Variants in IPO4 observed in about 807,000 individuals in gnomAD.
The protein encoded by IPO4 is importin-4.
Under a neutral mutation model 133.5 loss-of-function variants are expected in IPO4, and 91 were observed. The ratio of observed to expected loss-of-function variants is 0.68; its 90% CI spans 0.58 to 0.81. The LOEUF (loss-of-function observed/expected upper bound fraction) is 0.81, where lower values mean the gene tolerates loss of function less well. IPO4 is among the 30% of genes least tolerant of loss of function. The probability of loss-of-function intolerance (pLI) is 0.00; values close to 1 mark genes in which losing one functional copy is unlikely to be tolerated. For synonymous variants in IPO4, 607 were observed against 581.6 expected (o/e 1.04, Z -0.63); for missense variants, 1,279 against 1,386.2 (o/e 0.92, Z 1.23).
At chr14:24,181,350 C>A (rs1328946392) in intron 28 of IPO4, among the ~76,000 whole-genome samples, 163 bp downstream of exon 28, 8 of 152,186 alleles carry the variant, frequency 5.3e-5, no homozygotes. Flanking sequence ...TCCTTGCAGA[C>A]AAATAAGAAA....
chr14:24,183,825 A>G lies in IPO4; in HGVS notation c.1943T>C (p.Met648Thr), dbSNP rs545032103. ...ESDGEEEEEL[M>T]DEDVEEEDDS... ...ATCCTCTTCTTCCACATCCTCATCC[A>G]TGAGCTCCTCCTCTTCTTCCCCATC... Residue 648 changes from methionine (M) to threonine (T), a missense_variant, in exon 19 of 30, where the codon ATG becomes ACG. Transcript: ENST00000354464. 2 of 1,614,010 alleles carry G rather than the reference A, an allele frequency of 1.2e-6. No homozygotes were observed. The highest frequency in any genetic ancestry group is 1.1e-5 in the South Asian group (1 of 91,084).
rs747509957 is a variant in IPO4 at position 24,186,150 on chromosome 14, G to A, written c.1038C>T (p.Pro346=). ...TTACCAGCTGGGGACAGAGCTTCTC[G>A]GGGGGCAGGTGTAGTGCCAGCATGT... ...VVDMLALHLP[P]EKLCPQLMPM... The change falls in exon 11 of 30, where the codon CCC becomes CCT. Residue 346 remains proline, a synonymous_variant. Coordinates refer to ENST00000354464, the MANE Select transcript of IPO4 (RefSeq NM_024658.4). 14 of 1,613,830 alleles carry A rather than the reference G, an allele frequency of 8.7e-6. No homozygotes were observed. The highest frequency in any genetic ancestry group is 1.3e-5 in the African/African-American group (1 of 74,892).
intron 17 of IPO4, 68 bp downstream of exon 17, chr14:24,184,229 TC>T: frequency 6.4e-7 from 1 of 1,555,874 alleles, no homozygotes; most frequent in Admixed American, 1.9e-5. Flanking sequence ...GGGTGGGGAT[TC>T]CAGTGGGTCC....
Position 24,186,948 on chromosome 14 carries a change from T to C in IPO4, c.686A>G (p.Asp229Gly). Residue 229 changes from aspartate to glycine, a missense_variant, in exon 8 of 30, where the codon GAT (aspartate) becomes GGT (glycine). Physicochemically the swap from Asp to Gly is moderately conservative, Grantham distance 94 (BLOSUM62 -1). Around this residue, in one of 3 missense-constraint regions of IPO4, gnomAD observed 695 missense variants for 704.1 expected, o/e 0.99. Transcript: ENST00000354464. The stretch of plus-strand genomic sequence containing the variant: ...CGGCACCTCTGACTCCAACAGTTCA[T>C]CCAAAGCCTCAAGGGCCTCACAGGC... Reference protein sequence around the residue: ...AKACEALEALDELLESEVPVI... With the variant: ...AKACEALEALGELLESEVPVI... 1 of 1,614,058 alleles carries C rather than the reference T, an allele frequency of 6.2e-7. No individual in the cohort carries two copies. Among genetic ancestry groups the C allele is most frequent in the South Asian group, 1.1e-5 (1 of 91,084 alleles).
In IPO4 at chr14:24,180,445, G is replaced by A. The variant is rs1308135590; in HGVS notation, c.3243C>T (p.Ser1081=). ...AQELQAVLGL[S] ...TGGACTGGCTGCAGCCTGCAGTCTA[G>A]GAGAGGCCCAGTACAGCCTGGAGCT... The change falls in exon 30 of 30, where the codon TCC becomes TCT. Residue 1081 remains serine, a synonymous_variant. Coordinates refer to ENST00000354464, the MANE Select transcript of IPO4 (RefSeq NM_024658.4). 2 of 1,609,272 alleles carry A rather than the reference G, an allele frequency of 1.2e-6. No homozygotes were observed. Among genetic ancestry groups the A allele is most frequent in the South Asian group, 1.1e-5 (1 of 90,644 alleles).
In IPO4 at chr14:24,186,811, A is replaced by G. The variant is rs754389019; in HGVS notation, c.757-20T>C. On this transcript the variant is annotated intron_variant, in intron 8 of 29. Coordinates refer to ENST00000354464, the MANE Select transcript of IPO4 (RefSeq NM_024658.4). Reference sequence around the variant, plus strand: ...AGCTACCTGTCCACAGAATAATAAAAATCAGCGACAGGGAAGGAGAGTCCC... The same window carrying G: ...AGCTACCTGTCCACAGAATAATAAAGATCAGCGACAGGGAAGGAGAGTCCC... 1.2e-5 allele frequency: 20 copies of G among 1,613,676 alleles called. No individual in the cohort carries two copies. The Admixed American group carries it at 3.3e-4, about 27-fold the overall frequency.
chr14:24,186,163 A>C lies in IPO4; in HGVS notation c.1025T>G (p.Leu342Arg). ...ACAGAGCTTCTCGGGGGGCAGGTGT[A>C]GTGCCAGCATGTCCACAACCTGAGA... ...FAVQVVDMLA[L>R]HLPPEKLCPQ... Residue 342 changes from leucine (L) to arginine (R), a missense_variant, in exon 11 of 30, where the codon CTA becomes CGA. Around this residue, in one of 3 missense-constraint regions of IPO4, gnomAD observed 695 missense variants for 704.1 expected, o/e 0.99. Transcript: ENST00000354464. 6.2e-7 allele frequency: 1 copy of C among 1,613,970 alleles called. No individual in the cohort carries two copies. The highest frequency in any genetic ancestry group is 8.5e-7 in the Non-Finnish European group (1 of 1,179,928).
chr14:24,185,871 TG>T lies in IPO4; in HGVS notation c.1158del (p.His386GlnfsTer51), dbSNP rs1251645518. On this transcript the variant is annotated frameshift_variant, in exon 12 of 30. Coordinates refer to ENST00000354464, the MANE Select transcript of IPO4 (RefSeq NM_024658.4). LOFTEE classifies it high-confidence loss of function. ...LAVLSDGAGD[H>X]IRQRLLPPLL... Reference sequence around the variant, plus strand: ...CAGGGGAATACATACCTCTGCCTGATGTGGTCGCCAGCTCCGTCAGACAGCA... The same window carrying T: ...CAGGGGAATACATACCTCTGCCTGATTGGTCGCCAGCTCCGTCAGACAGCA... 17 of 1,613,156 alleles carry T rather than the reference TG, an allele frequency of 1.1e-5. No individual in the cohort carries two copies. The highest frequency in any genetic ancestry group is 1.4e-5 in the Non-Finnish European group (17 of 1,179,610).
rs762383520 is a variant in IPO4, at chr14:24,181,630, A to T, written c.2941-13T>A. 6.2e-7 allele frequency: 1 copy of T among 1,613,836 alleles called. No individual in the cohort carries two copies. Among genetic ancestry groups the T allele is most frequent in the South Asian group, 1.1e-5 (1 of 91,070 alleles). On this transcript the variant is annotated splice_polypyrimidine_tract_variant and intron_variant, in intron 27 of 29. Transcript: ENST00000354464. ...GGGCAGCCAGCACCTGGGCACACAA[A>T]TGTCTCAGGCCAACCTGCCCTGCCC...
chr14:24,183,441 CG>C lies in IPO4; in HGVS notation c.2121+14del. The stretch of plus-strand genomic sequence containing the variant: ...GCCTGAGAACCCCACCCACTCCACC[CG>C]CCGGCCCGCTCACCTCCAGCAGTTT... On this transcript the variant is annotated intron_variant, in intron 21 of 29. Transcript: ENST00000354464. 3.1e-6 allele frequency: 5 copies of C among 1,606,424 alleles called. No homozygotes were observed. The highest frequency in any genetic ancestry group is 4.3e-6 in the Non-Finnish European group (5 of 1,175,792).
At position 24,186,362 on chromosome 14, in the gene IPO4, G is replaced by A. The variant is rs778239058; in HGVS notation, c.930C>T (p.Pro310=). 11 of 1,613,168 alleles carry A rather than the reference G, an allele frequency of 6.8e-6. No homozygotes were observed. The African/African-American group carries it at 1.1e-4, about 16-fold the overall frequency. Residue 310 remains proline (P), a synonymous_variant, in exon 10 of 30, where the codon CCC becomes CCT. Transcript: ENST00000354464. ...AAEPPPGQLD[P]EDQDSEEEEL... is the part of the protein sequence containing the mutation. ...CTTCCTCTTCTGAATCCTGGTCCTC[G>A]GGATCCAACTGGCCTGGTGGGGGCT...
intron 21 of IPO4, 26 bp from the exon 22 acceptor site, chr14:24,183,381 T>C: frequency 1.3e-6 from 2 of 1,596,118 alleles, no homozygotes; most frequent in Non-Finnish European, 1.7e-6. Context: ...GGGCGGGATA[T>C]GTCTGCTATG....
Position 24,188,751 on chromosome 14 carries a change from G to C in IPO4, c.37C>G (p.Leu13Val). ...ATGCGCTCGGTGTCCGGTAGCAGCA[G>C]CTCCCGTAGGAGCTGCTCTAGCCCG... ...SAGLEQLLRELLLPDTERIRR... is the reference protein window; with the variant it reads ...SAGLEQLLREVLLPDTERIRR... The change falls in exon 1 of 30, where the codon CTG becomes GTG. Residue 13 changes from leucine to valine, a missense_variant. Around this residue, in one of 3 missense-constraint regions of IPO4, gnomAD observed 695 missense variants for 704.1 expected, o/e 0.99. Coordinates refer to ENST00000354464, the MANE Select transcript of IPO4 (RefSeq NM_024658.4). The C allele has an allele frequency of 1.3e-6, 2 of 1,539,982 alleles. No individual in the cohort carries two copies. The highest frequency in any genetic ancestry group is 1.7e-6 in the Non-Finnish European group (2 of 1,143,280).
intron 10 of IPO4, 37 bp from the exon 11 acceptor site, chr14:24,186,219 C>T (rs1196476818): frequency 1.9e-6 from 3 of 1,611,112 alleles, no homozygotes; most frequent in Admixed American, 1.7e-5. Flanking sequence ...TGCTTGACTC[C>T]ATCTCTGCCT....
Position 24,185,337 on chromosome 14 carries a change from T to C in IPO4, c.1279-25A>G, listed in dbSNP as rs760865675. On this transcript the variant is annotated intron_variant, in intron 13 of 29. Coordinates refer to ENST00000354464, the MANE Select transcript of IPO4 (RefSeq NM_024658.4). Reference sequence around the variant, plus strand: ...GCTGGGGGAGGGAGCAAGCAGGGCCTGAGTCAGGTTCACCTGCCGGGCACA... The same window carrying C: ...GCTGGGGGAGGGAGCAAGCAGGGCCCGAGTCAGGTTCACCTGCCGGGCACA... 3 of 1,613,840 alleles carry C rather than the reference T, an allele frequency of 1.9e-6. No individual in the cohort carries two copies. In the Admixed American group the frequency reaches 5.0e-5, roughly 27 times the overall value.
Position 24,187,387 on chromosome 14 carries a change from G to A in IPO4, c.588+13C>T. The A allele has an allele frequency of 6.2e-7, 1 of 1,612,800 alleles. No homozygotes were observed. Among genetic ancestry groups the A allele is most frequent in the Non-Finnish European group, 8.5e-7 (1 of 1,178,904 alleles). ...GGAAAGGGAGTCAAAGATAACGAGG[G>A]CCCACATCTCACCACATCTTCAGTG... On this transcript the variant is annotated intron_variant, in intron 6 of 29. Transcript: ENST00000354464.
In IPO4 at chr14:24,183,671, G is replaced by C; in HGVS notation, c.1986-4C>G. ...GAAGGCATTCTCCACGCTGTACCTA[G>C]AGTAAGAAGGGGAGGCAGTGGTGAT... is the stretch of plus-strand genomic sequence containing the variant. On this transcript the variant is annotated splice_region_variant and splice_polypyrimidine_tract_variant and intron_variant, in intron 19 of 29. Transcript: ENST00000354464. The C allele has an allele frequency of 6.2e-7, 1 of 1,614,138 alleles. No homozygotes were observed. The highest frequency in any genetic ancestry group is 8.5e-7 in the Non-Finnish European group (1 of 1,180,016).
In IPO4 at chr14:24,186,120, C is replaced by G; in HGVS notation, c.1059+9G>C. ...GGTAGGGACACCAGAAGGACAGAGC[C>G]ACACTTACCAGCTGGGGACAGAGCT... On this transcript the variant is annotated intron_variant, in intron 11 of 29. Transcript: ENST00000354464. The G allele has an allele frequency of 6.2e-7, 1 of 1,613,532 alleles. No individual in the cohort carries two copies. Among genetic ancestry groups the G allele is most frequent in the East Asian group, 2.2e-5 (1 of 44,842 alleles).
chr14:24,184,602 C>T (rs2138814045), intron 16 of IPO4, 48 bp downstream of exon 16: 2 of 1,473,684 alleles, frequency 1.4e-6, no homozygotes, highest in Admixed American at 4.1e-5. Flanking sequence ...AGGTGAGCAC[C>T]AGCCCTTTGC....
Sources: allele counts gnomAD v4.1 joint callset (sites outside exome capture counted in the v4.1 genomes callset), GRCh38; gene constraint gnomAD v4.1.1; regional missense constraint gnomAD v4.1.1; transcripts MANE v1.5; gene names NCBI Gene and HGNC (gene_info 2026-07-23, HGNC 2026-07-21).